The following BACH2 variants were observed in gnomAD, a reference collection of about 807,000 sequenced individuals.
BACH2 encodes the protein transcription regulator protein BACH2.
A neutral mutation model predicts 61.8 loss-of-function variants in BACH2; 5 were observed. That is an observed-to-expected ratio of 0.08 (90% confidence interval 0.04 to 0.17). The LOEUF is 0.17. BACH2 is among the 10% of genes least tolerant of loss of function. The probability of loss-of-function intolerance (pLI) is 1.00; values close to 1 mark genes in which losing one functional copy is unlikely to be tolerated. For missense variants in BACH2, 824 were observed against 1,091.1 expected, an observed-to-expected ratio of 0.76 and a Z score of 3.45; for synonymous variants, 446 against 440.1, an observed-to-expected ratio of 1.01 and a Z score of -0.17.
intron 3 of BACH2, among the ~76,000 whole-genome samples, chr6:90,233,033 G>A (rs1006742710): frequency 1.3e-5 from 2 of 152,160 alleles, no homozygotes; most frequent in African/African-American, 2.4e-5. Flanking sequence ...TTTGATCCAT[G>A]AGGCAGGAGA....
chr6:90,060,590 C>G (rs1251435080), intron 5 of BACH2, among the ~76,000 whole-genome samples: 1 of 151,930 alleles, frequency 6.6e-6, no homozygotes, highest in East Asian at 1.9e-4. Context: ...CTAGTTTCTT[C>G]TTATCTGATA....
At chr6:90,118,639 T>C (rs761153672) in intron 4 of BACH2, among the ~76,000 whole-genome samples, 1 of 152,218 alleles carries the variant, frequency 6.6e-6, no homozygotes, top group South Asian at 2.1e-4. Context: ...GAGACATGCA[T>C]TTGATGAATG....
rs964721304 is a variant in BACH2, at chr6:89,938,152, G to A, written c.2035C>T (p.Arg679Cys). Reference sequence around the variant, plus strand: ...TGGATGGGTCAACTCACCAATTTGCGGATTTCACATTCTAAATTCTGAATA... The same window carrying A: ...TGGATGGGTCAACTCACCAATTTGCAGATTTCACATTCTAAATTCTGAATA... ...DCIQNLECEIRKLVCEKEKLL... is the reference protein window; with the variant it reads ...DCIQNLECEICKLVCEKEKLL... Residue 679 changes from arginine (R) to cysteine (C), a missense_variant, in exon 8 of 9, where the codon CGC (arginine) becomes TGC (cysteine). By Grantham distance (180) the Arg-to-Cys change is radical. This residue lies in a region of BACH2 where 160 missense variants were observed against 283.5 expected (regional missense o/e 0.56). Transcript: ENST00000257749. The A allele has an allele frequency of 2.5e-6, 4 of 1,612,300 alleles. No homozygotes were observed. Among genetic ancestry groups the A allele is most frequent in the East Asian group, 2.2e-5 (1 of 44,816 alleles).
chr6:90,196,715 G>A (rs571062743), intron 4 of BACH2, among the ~76,000 whole-genome samples: 1 of 152,062 alleles, frequency 6.6e-6, no homozygotes, highest in South Asian at 2.1e-4. Flanking sequence ...GACACGCGAT[G>A]ATACTTTATC....
chr6:90,190,278 G>A (rs1210744573), intron 4 of BACH2, among the ~76,000 whole-genome samples: 4 of 152,282 alleles, frequency 2.6e-5, no homozygotes, highest in East Asian at 1.9e-4. Context: ...CATTCCAAGC[G>A]TCTGAGATTC....
intron 3 of BACH2, among the ~76,000 whole-genome samples, chr6:90,207,770 T>A (rs1769200830): frequency 6.6e-6 from 1 of 152,112 alleles, no homozygotes; most frequent in South Asian, 2.1e-4. Flanking sequence ...ACCATAACCA[T>A]CTTTAGTTCT....
intron 5 of BACH2, among the ~76,000 whole-genome samples, chr6:90,016,208 A>G (rs1029551168): frequency 6.6e-6 from 1 of 152,196 alleles, no homozygotes; most frequent in Non-Finnish European, 1.5e-5. Context: ...TTTTAAAAAA[A>G]TCTAATCTGA....
intron 5 of BACH2, among the ~76,000 whole-genome samples, chr6:90,081,454 C>T (rs1386166250): frequency 1.3e-5 from 2 of 152,188 alleles, no homozygotes; most frequent in Non-Finnish European, 2.9e-5. Context: ...GCAGATGCTA[C>T]CCAAACACCC....
At chr6:90,147,027 A>G (rs987443813) in intron 4 of BACH2, among the ~76,000 whole-genome samples, 1 of 152,084 alleles carries the variant, frequency 6.6e-6, no homozygotes, top group African/African-American at 2.4e-5. Context: ...AAAGAAAAAA[A>G]TTTTTCCCGA....
intron 5 of BACH2, among the ~76,000 whole-genome samples, chr6:90,032,733 A>G (rs1314307912): frequency 6.6e-6 from 1 of 152,224 alleles, no homozygotes; most frequent in Admixed American, 6.5e-5. Context: ...ATGTGGAGAA[A>G]CAGGAACACT....
intron 2 of BACH2, among the ~76,000 whole-genome samples, chr6:90,254,321 T>C (rs1219979664): frequency 1.3e-5 from 2 of 152,058 alleles, no homozygotes; most frequent in Non-Finnish European, 2.9e-5. Context: ...TCCTAGATCT[T>C]TTCAAAAATT....
intron 5 of BACH2, among the ~76,000 whole-genome samples, chr6:90,028,436 C>T (rs886284324): frequency 1.1e-4 from 16 of 152,184 alleles, no homozygotes; most frequent in African/African-American, 3.6e-4. Context: ...CGGGCTTTTC[C>T]TATTTTCTCT....
chr6:90,205,928 C>G (rs1373764188), intron 4 of BACH2, among the ~76,000 whole-genome samples: 1 of 152,150 alleles, frequency 6.6e-6, no homozygotes, highest in Non-Finnish European at 1.5e-5. Flanking sequence ...CCCATAGGGC[C>G]CATCTGGTAA....
At chr6:89,978,987 C>A (rs1168570185) in intron 6 of BACH2, among the ~76,000 whole-genome samples, 2 of 152,198 alleles carry the variant, frequency 1.3e-5, no homozygotes, top group Non-Finnish European at 2.9e-5. Flanking sequence ...TCATTTATAC[C>A]AATCTATAGA....
chr6:90,186,198 G>T (rs1160454958), intron 4 of BACH2, among the ~76,000 whole-genome samples: 2 of 152,046 alleles, frequency 1.3e-5, no homozygotes, highest in African/African-American at 4.8e-5. Flanking sequence ...TACTGGACTC[G>T]CCACTGACTC....
intron 7 of BACH2, among the ~76,000 whole-genome samples, chr6:89,948,512 G>GCTC (rs1237807195): frequency 7.9e-5 from 12 of 152,096 alleles, no homozygotes; most frequent in African/African-American, 2.9e-4. Flanking sequence ...CCGGCCCCAG[G>GCTC]CTCCTCTTAA....
rs1389140976 is a variant in BACH2, at chr6:90,008,614, G to A, written c.231C>T (p.Ser77=). The A allele has an allele frequency of 1.9e-6, 3 of 1,614,130 alleles. No individual in the cohort carries two copies. Among genetic ancestry groups the A allele is most frequent in the East Asian group, 4.5e-5 (2 of 44,886 alleles). The change falls in exon 6 of 9, where the codon AGC becomes AGT. Residue 77 remains serine (S), a synonymous_variant. Coordinates refer to ENST00000257749, the MANE Select transcript of BACH2 (RefSeq NM_021813.4). This position sits in a 1 kb window ranked among gnomAD's most constrained non-coding sequence, Gnocchi z 4.1. The part of the protein sequence containing the change: ...VGQTKNDLVV[S]LPEEVTARGF... The stretch of plus-strand genomic sequence containing the variant: ...CAAATTACTGTACCTCCTCAGGCAA[G>A]CTGACCACCAAATCATTTTTTGTCT...
intron 1 of BACH2, among the ~76,000 whole-genome samples, chr6:90,283,216 T>C (rs1268268863): frequency 6.6e-6 from 1 of 152,194 alleles, no homozygotes; most frequent in African/African-American, 2.4e-5. Flanking sequence ...GTTATCTGGC[T>C]TTTTTATTGA....
In BACH2 at chr6:90,129,591, C is replaced by A. The variant is rs533570552; in HGVS notation, c.-161-40482G>T. Among the ~76,000 whole-genome samples, 727 of 152,236 alleles carry A rather than the reference C, an allele frequency of 4.8e-3. 8 individuals carry two copies. The highest frequency in any genetic ancestry group is 0.017 in the African/African-American group (705 of 41,528). ...TTTTCACAATACTGATTCTTCCTAT[C>A]CATGAGGATGGAATGTTTTTCCATT... On this transcript the variant is annotated intron_variant, in intron 4 of 8. Coordinates refer to ENST00000257749, the MANE Select transcript of BACH2 (RefSeq NM_021813.4).
Sources: gnomAD v4.1 joint callset for allele counts (sites outside exome capture counted in the v4.1 genomes callset) on GRCh38, gnomAD v4.1.1 for gene constraint, gnomAD v4.1.1 regional missense constraint, Gnocchi (gnomAD v3.1) non-coding constraint, MANE v1.5 for transcripts, NCBI Gene and HGNC (gene_info 2026-07-23, HGNC 2026-07-21) for gene names.